NEK10: variants seen among roughly 807,000 people sequenced by gnomAD.
The protein encoded by NEK10 is NIMA related kinase 10.
A neutral mutation model predicts 159.8 loss-of-function variants in NEK10; 122 were observed. The ratio of observed to expected loss-of-function variants is 0.76; its 90% CI spans 0.66 to 0.89. The LOEUF is 0.89. Ranked by LOEUF, NEK10 falls within the 40% of genes least tolerant of loss-of-function variation. The pLI is 0.00. For synonymous variants in NEK10, 466 were observed against 457.1 expected, an observed-to-expected ratio of 1.02 and a Z score of -0.25; for missense variants, 1,342 against 1,323.1, an observed-to-expected ratio of 1.01 and a Z score of -0.22.
intron 22 of NEK10, among the ~76,000 whole-genome samples, chr3:27,266,065 AAAGT>A: frequency 6.6e-6 from 1 of 152,222 alleles, no homozygotes; most frequent in Middle Eastern, 3.4e-3. Flanking sequence ...TCGGCCTCCC[AAAGT>A]GCTGGGATTA....
At chr3:27,331,247 A>AAAAAAAAAAAAAAAAAAAAAAC (rs1559513307) in intron 5 of NEK10, among the ~76,000 whole-genome samples, 5 of 127,712 alleles carry the variant, frequency 3.9e-5, no homozygotes, top group African/African-American at 1.3e-4. Flanking sequence ...CAAAAAAAAA[A>AAAAAAAAAAAAAAAAAAAAAAC]AAACAAAAAA....
chr3:27,334,920 AG>A (rs1412056298), intron 5 of NEK10, among the ~76,000 whole-genome samples: 3 of 152,246 alleles, frequency 2.0e-5, no homozygotes, highest in African/African-American at 7.2e-5. Context: ...TCATGGAAAA[AG>A]AATTCAAATT....
rs186060493 is a variant in NEK10, at chr3:27,309,774, C to A, written c.637-769G>T. 301 of 152,256 alleles carry A rather than the reference C, an allele frequency of 2.0e-3. 1 individual carries two copies. The highest frequency in any genetic ancestry group is 7.0e-3 in the African/African-American group (293 of 41,566). 9.4% of individuals were successfully genotyped at this position (152,256 alleles called of 1,614,324 possible). A position where few individuals can be genotyped will look rare whatever the true frequency, so the allele number is the denominator to read the frequency against. ...ACGATTTTTCAACAAAATATTGAAA[C>A]TTTCATTCTTTTGCCAAACTAAACA... On this transcript the variant is annotated intron_variant, in intron 9 of 35. Transcript: ENST00000691995.
At chr3:27,123,234 C>A (rs1217545628) in intron 32 of NEK10, among the ~76,000 whole-genome samples, 1 of 152,024 alleles carries the variant, frequency 6.6e-6, no homozygotes, top group South Asian at 2.1e-4. Context: ...AAATCATGAA[C>A]CATGAAATGA....
intron 23 of NEK10, among the ~76,000 whole-genome samples, chr3:27,204,435 A>C: frequency 8.6e-6 from 1 of 115,896 alleles, no homozygotes; most frequent in Non-Finnish European, 1.8e-5. Context: ...CATTAGGTAT[A>C]TCTCCCAATG....
Position 27,248,070 on chromosome 3 carries a change from T to C in NEK10, c.2090+8226A>G, listed in dbSNP as rs530263352. On this transcript the variant is annotated intron_variant, in intron 23 of 35. Coordinates refer to ENST00000691995, the MANE Select transcript of NEK10 (RefSeq NM_001394966.1). ...ACTACTTGTTATTGGTCTGTTTGGGTTTTGAGTTTCTTCATGGTTCCATCT... is the reference window on the plus strand; with the variant it reads ...ACTACTTGTTATTGGTCTGTTTGGGCTTTGAGTTTCTTCATGGTTCCATCT... 1.6e-4 allele frequency among the ~76,000 whole-genome samples: 25 copies of C among 152,030 alleles called. No individual in the cohort carries two copies. In the South Asian group the frequency reaches 1.9e-3, roughly 11 times the overall value.
Position 27,192,253 on chromosome 3 carries a change from A to C in NEK10, c.2292-11T>G. The C allele has an allele frequency of 1.2e-6, 2 of 1,604,614 alleles. No individual in the cohort carries two copies. The highest frequency in any genetic ancestry group is 1.7e-6 in the Non-Finnish European group (2 of 1,171,470). ...TCAGGAGTGAGGCACCTAAGATAAC[A>C]TGAGATAATTATAACACTCTGGTCA... On this transcript the variant is annotated splice_polypyrimidine_tract_variant and intron_variant, in intron 25 of 35. Transcript: ENST00000691995.
chr3:27,212,988 T>A (rs557707503), intron 23 of NEK10, among the ~76,000 whole-genome samples: 1 of 89,750 alleles, frequency 1.1e-5, no homozygotes, highest in Non-Finnish European at 2.7e-5. Context: ...TCCATTTACA[T>A]TGGGCATACC....
At chr3:27,138,399 C>A (rs544848721) in intron 31 of NEK10, among the ~76,000 whole-genome samples, 153 of 152,288 alleles carry the variant, frequency 1.0e-3, no homozygotes, top group African/African-American at 3.6e-3. Flanking sequence ...ACTAATTTTT[C>A]TGATCTTTTC....
At chr3:27,227,597 T>A (rs1952770098) in intron 23 of NEK10, among the ~76,000 whole-genome samples, 1 of 152,180 alleles carries the variant, frequency 6.6e-6, no homozygotes, top group Non-Finnish European at 1.5e-5. Context: ...TGTTCCCTAC[T>A]GACATGGTGG....
At chr3:27,275,192 A>G (rs1266818153) in intron 22 of NEK10, among the ~76,000 whole-genome samples, 1 of 152,324 alleles carries the variant, frequency 6.6e-6, no homozygotes, top group East Asian at 1.9e-4. Context: ...ATCTGGCTCT[A>G]ACTTTGTCGA....
intron 3 of NEK10, among the ~76,000 whole-genome samples, chr3:27,347,412 G>C (rs190269286): frequency 7.5e-6 from 1 of 133,114 alleles, no homozygotes; most frequent in African/African-American, 2.8e-5. Context: ...TGAGGCAGGA[G>C]AATCACTTGA....
At chr3:27,264,198 A>G (rs752934740) in intron 22 of NEK10, among the ~76,000 whole-genome samples, 24 of 152,294 alleles carry the variant, frequency 1.6e-4, no homozygotes, top group Non-Finnish European at 3.1e-4. Context: ...GATCAATTCA[A>G]TGATAAACTC....
chr3:27,175,946 A>C (rs1393764447), intron 26 of NEK10, among the ~76,000 whole-genome samples: 4 of 152,198 alleles, frequency 2.6e-5, no homozygotes, highest in African/African-American at 9.6e-5. Context: ...AGACAGCCTT[A>C]TTTATTTCAG....
chr3:27,174,895 A>T, intron 26 of NEK10, 62 bp from the exon 27 acceptor site: 1 of 1,367,040 alleles, frequency 7.3e-7, no homozygotes. Flanking sequence ...ATAGGACCTA[A>T]ATCTTGTTAG....
At chr3:27,189,066 C>G (rs1381065468) in intron 26 of NEK10, among the ~76,000 whole-genome samples, 3 of 152,088 alleles carry the variant, frequency 2.0e-5, no homozygotes, top group Non-Finnish European at 4.4e-5. Flanking sequence ...TCCTTTTACT[C>G]TACATGATTC....
chr3:27,131,790 G>C, intron 32 of NEK10, 90 bp downstream of exon 32: 1 of 602,324 alleles, frequency 1.7e-6, no homozygotes, highest in Non-Finnish European at 2.9e-6. Context: ...AGAGGATAGA[G>C]CTTAAAGTAC....
intron 22 of NEK10, among the ~76,000 whole-genome samples, chr3:27,261,865 C>T (rs572854623): frequency 2.4e-4 from 37 of 152,200 alleles, no homozygotes; most frequent in Non-Finnish European, 3.7e-4. Flanking sequence ...TCTAAGTCTC[C>T]TTCTAGGTCT....
chr3:27,342,584 C>T (rs1042093619), intron 5 of NEK10, among the ~76,000 whole-genome samples: 14 of 152,136 alleles, frequency 9.2e-5, no homozygotes, highest in African/African-American at 3.4e-4. Context: ...TGTTACAAGC[C>T]AGTAACTTCA....
Sources: allele counts gnomAD v4.1 joint callset (sites outside exome capture counted in the v4.1 genomes callset), GRCh38; gene constraint gnomAD v4.1.1; transcripts MANE v1.5; gene names NCBI Gene and HGNC (gene_info 2026-07-23, HGNC 2026-07-21).